The following KIRREL3 variants were observed in gnomAD, a reference collection of about 807,000 sequenced individuals.
KIRREL3 encodes the protein kirre like nephrin family adhesion molecule 3, also known as kin of IRRE-like protein 3.
In KIRREL3, 36 loss-of-function variants were observed where a neutral mutation model predicts 89.7. The ratio of observed to expected loss-of-function variants is 0.40; its 90% CI spans 0.31 to 0.53. The LOEUF is 0.53. Ranked by LOEUF, KIRREL3 falls within the 20% of genes least tolerant of loss-of-function variation. The pLI is 0.49. For missense variants in KIRREL3, 864 were observed against 1,056.6 expected, an observed-to-expected ratio of 0.82 and a Z score of 2.53; for synonymous variants, 445 against 441.4, an observed-to-expected ratio of 1.01 and a Z score of -0.10.
chr11:126,479,682 C>G (rs998306354), intron 4 of KIRREL3, among the ~76,000 whole-genome samples: 1 of 152,168 alleles, frequency 6.6e-6, no homozygotes, highest in Non-Finnish European at 1.5e-5. Context: ...GTGTGGGGAC[C>G]CTTGATCCCT....
Position 126,428,395 on chromosome 11 carries a change from A to G in KIRREL3, c.1806+784T>C, listed in dbSNP as rs898046387. 2.0e-5 allele frequency among the ~76,000 whole-genome samples: 3 copies of G among 152,100 alleles called. No homozygotes were observed. Among genetic ancestry groups the G allele is most frequent in the African/African-American group, 2.4e-5 (1 of 41,408 alleles). ...ATTCGGAAGAGGAGGAGCAGGCTTG[A>G]TGTGCCTGGAGAAGTGATGAGTTGA... On this transcript the variant is annotated intron_variant, in intron 15 of 16. Transcript: ENST00000525144. The surrounding 1 kb of genome is among the most constrained non-coding windows in gnomAD (Gnocchi z 6.4).
At position 126,684,590 on chromosome 11, in the gene KIRREL3, G is replaced by A. The variant is rs1946597012; in HGVS notation, c.56-121678C>T. 6.6e-6 allele frequency among the ~76,000 whole-genome samples: 1 copy of A among 152,146 alleles called. No homozygotes were observed. Among genetic ancestry groups the A allele is most frequent in the Admixed American group, 6.5e-5 (1 of 15,284 alleles). ...TTACCCTACCAGGCCAGTCAGAATC[G>A]ACTCACTGATGATCAAAAAAGAGAG... On this transcript the variant is annotated intron_variant, in intron 1 of 16. Coordinates refer to ENST00000525144, the MANE Select transcript of KIRREL3 (RefSeq NM_032531.4). This position sits in a 1 kb window ranked among gnomAD's most constrained non-coding sequence, Gnocchi z 4.2.
chr11:126,963,334 CAG>C (rs1182015291), intron 1 of KIRREL3, among the ~76,000 whole-genome samples: 3 of 150,790 alleles, frequency 2.0e-5, no homozygotes, highest in Non-Finnish European at 4.4e-5. Context: ...CACACACACA[CAG>C]ACACACACAC....
At chr11:126,534,308 C>T (rs924205976) in intron 2 of KIRREL3, among the ~76,000 whole-genome samples, 4 of 152,178 alleles carry the variant, frequency 2.6e-5, no homozygotes, top group South Asian at 2.1e-4. Flanking sequence ...GCTGGCTTGG[C>T]TCCGCATCTG....
At chr11:126,757,558 A>G (rs1202896530) in intron 1 of KIRREL3, among the ~76,000 whole-genome samples, 1 of 152,152 alleles carries the variant, frequency 6.6e-6, no homozygotes, top group African/African-American at 2.4e-5. Context: ...CTTGAGACCT[A>G]CAGGATAGGC....
At chr11:126,799,730 C>T (rs1950971813) in intron 1 of KIRREL3, among the ~76,000 whole-genome samples, 1 of 152,106 alleles carries the variant, frequency 6.6e-6, no homozygotes, top group South Asian at 2.1e-4. Flanking sequence ...TTCTTCCTCC[C>T]TGGAAACCCC....
chr11:126,446,249 C>G (rs1198813792), intron 9 of KIRREL3, among the ~76,000 whole-genome samples: 2 of 138,656 alleles, frequency 1.4e-5, no homozygotes, highest in Admixed American at 7.6e-5. Context: ...CTCTTTCTTT[C>G]TCTTTCTTTT....
At chr11:126,435,003 G>A (rs1955264144) in intron 13 of KIRREL3, among the ~76,000 whole-genome samples, 2 of 152,160 alleles carry the variant, frequency 1.3e-5, no homozygotes. Context: ...ATGGAGCGGG[G>A]ACGAGCAAGA....
rs938147286 is a variant in KIRREL3 at position 126,780,375 on chromosome 11, T to C, written c.56-217463A>G. ...ATTGTGGCTTTAAATAAAAACCAGC[T>C]ATTCGTGGGGAAGCCTGACAGGGTT... On this transcript the variant is annotated intron_variant, in intron 1 of 16. Coordinates refer to ENST00000525144, the MANE Select transcript of KIRREL3 (RefSeq NM_032531.4). The surrounding 1 kb of genome is among the most constrained non-coding windows in gnomAD (Gnocchi z 5.3). Among the ~76,000 whole-genome samples the C allele has an allele frequency of 1.3e-5, 2 of 152,176 alleles. No homozygotes were observed. The highest frequency in any genetic ancestry group is 4.8e-5 in the African/African-American group (2 of 41,448).
intron 13 of KIRREL3, among the ~76,000 whole-genome samples, chr11:126,433,434 G>A (rs556484811): frequency 3.3e-5 from 5 of 152,296 alleles, no homozygotes; most frequent in African/African-American, 1.2e-4. Flanking sequence ...GGGAGCTGGC[G>A]CCCCTGGCTG....
At chr11:126,549,040 A>C (rs1939045688) in intron 2 of KIRREL3, among the ~76,000 whole-genome samples, 1 of 152,142 alleles carries the variant, frequency 6.6e-6, no homozygotes, top group African/African-American at 2.4e-5. Flanking sequence ...TCCTTTTATG[A>C]ATAATGGTTG....
intron 1 of KIRREL3, among the ~76,000 whole-genome samples, chr11:126,815,317 T>G (rs1444398518): frequency 6.6e-6 from 1 of 152,168 alleles, no homozygotes; most frequent in Non-Finnish European, 1.5e-5. Flanking sequence ...GCCTAGTGAA[T>G]GAGTCACACC....
rs181413169 is a variant in KIRREL3, at chr11:126,967,400, T to G, written c.55+33055A>C. The stretch of plus-strand genomic sequence containing the variant: ...AGGTTGCTTCCTACCAGGGAATAAC[T>G]TCCCACAGGGAAGATCTGCCTTCTG... On this transcript the variant is annotated intron_variant, in intron 1 of 16. Coordinates refer to ENST00000525144, the MANE Select transcript of KIRREL3 (RefSeq NM_032531.4). Among the ~76,000 whole-genome samples, 7 of 152,276 alleles carry G rather than the reference T, an allele frequency of 4.6e-5. No individual in the cohort carries two copies. In the East Asian group the frequency reaches 1.4e-3, roughly 29 times the overall value.
chr11:126,664,235 C>T lies in KIRREL3; in HGVS notation c.56-101323G>A, dbSNP rs1015778180. Among the ~76,000 whole-genome samples, 2 of 126,570 alleles carry T rather than the reference C, an allele frequency of 1.6e-5. No individual in the cohort carries two copies. Among genetic ancestry groups the T allele is most frequent in the African/African-American group, 6.2e-5 (2 of 32,168 alleles). 83.0% of individuals were successfully genotyped at this position (126,570 alleles called of 152,430 possible). On this transcript the variant is annotated intron_variant, in intron 1 of 16. Coordinates refer to ENST00000525144, the MANE Select transcript of KIRREL3 (RefSeq NM_032531.4). The surrounding 1 kb of genome is among the most constrained non-coding windows in gnomAD (Gnocchi z 5.4). ...TTCAGGCTTTTGCTGGGGCCATTAGCATTTTTTTTTTTTTTACCATCATTA... is the reference window on the plus strand; with the variant it reads ...TTCAGGCTTTTGCTGGGGCCATTAGTATTTTTTTTTTTTTTACCATCATTA...
chr11:126,892,798 A>T lies in KIRREL3; in HGVS notation c.55+107657T>A, dbSNP rs1238267155. 6.6e-6 allele frequency among the ~76,000 whole-genome samples: 1 copy of T among 152,082 alleles called. No individual in the cohort carries two copies. Among genetic ancestry groups the T allele is most frequent in the Non-Finnish European group, 1.5e-5 (1 of 68,028 alleles). ...AGGGTCTGGCTTCATTGACATTTCC[A>T]CGGTAGTGCATACAGCCCTCGAGAC... On this transcript the variant is annotated intron_variant, in intron 1 of 16. Transcript: ENST00000525144. This position sits in a 1 kb window ranked among gnomAD's most constrained non-coding sequence, Gnocchi z 5.4.
chr11:126,502,832 C>T (rs1957902625), intron 4 of KIRREL3, among the ~76,000 whole-genome samples: 1 of 152,202 alleles, frequency 6.6e-6, no homozygotes. Context: ...TGTTGCATTA[C>T]AGTAATAACA....
At chr11:126,935,666 T>C (rs1252740081) in intron 1 of KIRREL3, 1 of 152,202 alleles carries the variant, frequency 6.6e-6, no homozygotes, top group Non-Finnish European at 1.5e-5. Context: ...CTAGATGATA[T>C]TCTGGAAAAG....
intron 2 of KIRREL3, among the ~76,000 whole-genome samples, chr11:126,539,021 T>A (rs934171650): frequency 3.3e-5 from 5 of 152,114 alleles, no homozygotes; most frequent in Non-Finnish European, 7.4e-5. Flanking sequence ...GGAGAACAGA[T>A]GTGTTCATGG....
intron 1 of KIRREL3, among the ~76,000 whole-genome samples, chr11:126,950,778 T>C (rs551921381): frequency 6.6e-6 from 1 of 152,182 alleles, no homozygotes; most frequent in Non-Finnish European, 1.5e-5. Flanking sequence ...GAACAGCTTC[T>C]TAAGAGTCCC....
Sources: gnomAD v4.1 joint callset for allele counts (sites outside exome capture counted in the v4.1 genomes callset) on GRCh38, gnomAD v4.1.1 for gene constraint, Gnocchi (gnomAD v3.1) non-coding constraint, MANE v1.5 for transcripts, NCBI Gene and HGNC (gene_info 2026-07-23, HGNC 2026-07-21) for gene names.